SLC19A3: variants seen among roughly 807,000 people sequenced by gnomAD.
The protein encoded by SLC19A3 is thiamine transporter 2.
A neutral mutation model predicts 40.2 loss-of-function variants in SLC19A3; 31 were observed. That is an observed-to-expected ratio of 0.77 (90% CI 0.58 to 1.04). The LOEUF (loss-of-function observed/expected upper bound fraction) is 1.04, where lower values mean the gene tolerates loss of function less well. Ranked by LOEUF, SLC19A3 falls within the 50% of genes least tolerant of loss-of-function variation. The pLI is 0.00. For synonymous variants in SLC19A3, 212 were observed against 227.5 expected (o/e 0.93, Z 0.61); for missense variants, 592 against 596.7 (o/e 0.99, Z 0.08).
intron 1 of SLC19A3, among the ~76,000 whole-genome samples, chr2:227,713,643 AGAAAGAAGTGCCCCCTAAACCTTG>A (rs1696224576): frequency 6.6e-6 from 1 of 152,144 alleles, no homozygotes; most frequent in Non-Finnish European, 1.5e-5. Context: ...AGTCCATATT[AGAAAGAAGTGCCCCCTAAACCTTG>A]GACTTCCCAG....
rs112334929 is a variant in SLC19A3, at chr2:227,684,757, C to T, written c.*2640G>A. The T allele has an allele frequency of 0.074, 11,233 of 151,786 alleles. 1,176 individuals are homozygous for T. The highest frequency in any genetic ancestry group is 0.24 in the African/African-American group (9,827 of 41,334). 9.4% of individuals were successfully genotyped at this position (151,786 alleles called of 1,614,324 possible). ...CAACACTTTGGGAGACCGAGACGGG[C>T]GGATCACCTGAGACCAGGAGTTTGA... On this transcript the variant is annotated 3_prime_UTR_variant, in exon 6 of 6. Coordinates refer to ENST00000644224, the MANE Select transcript of SLC19A3 (RefSeq NM_025243.4).
chr2:227,701,194 C>A (rs1018279537), intron 2 of SLC19A3: 5 of 893,700 alleles, frequency 5.6e-6, no homozygotes, highest in Non-Finnish European at 7.6e-6. Context: ...CCTCACCACC[C>A]GAGGCACCCA....
intron 1 of SLC19A3, 137 bp downstream of exon 1, chr2:227,717,806 G>T (rs1481437589): frequency 7.8e-6 from 5 of 644,020 alleles, no homozygotes; most frequent in East Asian, 1.4e-4. Flanking sequence ...TCCTCACGCG[G>T]CTCAGAGTGT....
intron 4 of SLC19A3, among the ~76,000 whole-genome samples, chr2:227,693,050 C>T (rs1036063962): frequency 1.3e-5 from 2 of 152,086 alleles, no homozygotes; most frequent in African/African-American, 4.8e-5. Context: ...AGAGGACACA[C>T]ACACACAAAA....
At chr2:227,696,337 T>C (rs929902809) in intron 3 of SLC19A3, among the ~76,000 whole-genome samples, 1 of 152,198 alleles carries the variant, frequency 6.6e-6, no homozygotes, top group African/African-American at 2.4e-5. Context: ...CGCCAGACAC[T>C]GTATTCTGCA....
chr2:227,712,184 A>G (rs753213957), intron 1 of SLC19A3, among the ~76,000 whole-genome samples: 2 of 151,852 alleles, frequency 1.3e-5, no homozygotes, highest in African/African-American at 4.8e-5. Flanking sequence ...CAGGAGGGTC[A>G]CTTGAGCCTG....
chr2:227,692,688 G>A (rs1271177168), intron 4 of SLC19A3, among the ~76,000 whole-genome samples: 1 of 152,126 alleles, frequency 6.6e-6, no homozygotes, highest in Non-Finnish European at 1.5e-5. Flanking sequence ...ACATAGCACT[G>A]GAAGTCTTCT....
At position 227,699,148 on chromosome 2, in the gene SLC19A3, G is replaced by A. The variant is rs373262430; in HGVS notation, c.567C>T (p.Phe189=). 1.2e-6 allele frequency: 2 copies of A among 1,614,190 alleles called. No individual in the cohort carries two copies. The highest frequency in any genetic ancestry group is 1.7e-6 in the Non-Finnish European group (2 of 1,180,044). ...ACATGCTTTTCTTGGGCATTGGTAG[G>A]AAAAGTGAGAAAAGGAAAGCCACGG... is the stretch of plus-strand genomic sequence containing the variant. ...SVSVAFLFSL[F]LPMPKKSMFF... The change falls in exon 3 of 6, where the codon TTC becomes TTT. Residue 189 remains phenylalanine (F), a synonymous_variant. Transcript: ENST00000644224.
At chr2:227,699,670 G>T (rs191011556) in intron 2 of SLC19A3, 106 bp from the exon 3 acceptor site, 1 of 945,334 alleles carries the variant, frequency 1.1e-6, no homozygotes, top group Non-Finnish European at 1.7e-6. Context: ...TTCGCATTAC[G>T]GAGAAACATA....
intron 1 of SLC19A3, 43 bp from the exon 2 acceptor site, chr2:227,702,363 C>T (rs751144695): frequency 6.3e-7 from 1 of 1,585,134 alleles, no homozygotes; most frequent in East Asian, 2.2e-5. Flanking sequence ...GATGCTTATT[C>T]TTTTTAGCAT....
In SLC19A3 at chr2:227,703,735, CA is replaced by C. The variant is rs1695807440; in HGVS notation, c.-2-1416del. On this transcript the variant is annotated intron_variant, in intron 1 of 5. Coordinates refer to ENST00000644224, the MANE Select transcript of SLC19A3 (RefSeq NM_025243.4). The surrounding 1 kb of genome is among the most constrained non-coding windows in gnomAD (Gnocchi z 4.7). Reference sequence around the variant, plus strand: ...GGACAGGTGATCACTGAGGCTTGGTCATCTTCTGAAGAGTGGTCTTGCTGGG... The same window carrying C: ...GGACAGGTGATCACTGAGGCTTGGTCTCTTCTGAAGAGTGGTCTTGCTGGG... Among the ~76,000 whole-genome samples the C allele has an allele frequency of 6.6e-6, 1 of 152,110 alleles. No homozygotes were observed. The highest frequency in any genetic ancestry group is 1.5e-5 in the Non-Finnish European group (1 of 68,022).
chr2:227,693,390 A>G (rs1695306953), intron 4 of SLC19A3, among the ~76,000 whole-genome samples: 1 of 152,194 alleles, frequency 6.6e-6, no homozygotes, highest in Admixed American at 6.6e-5. Context: ...CATGTAGACC[A>G]ATGGAACAGA....
chr2:227,702,468 A>G, intron 1 of SLC19A3, 148 bp from the exon 2 acceptor site: 1 of 751,104 alleles, frequency 1.3e-6, no homozygotes. Context: ...ATCTCAGCCC[A>G]TTGCAACCTG....
chr2:227,711,381 C>G (rs1696128989), intron 1 of SLC19A3, among the ~76,000 whole-genome samples: 1 of 150,812 alleles, frequency 6.6e-6, no homozygotes, highest in Admixed American at 6.6e-5. Context: ...GATAGTGCCA[C>G]TGCATTGTGG....
chr2:227,710,461 C>T (rs904419297), intron 1 of SLC19A3, among the ~76,000 whole-genome samples: 3 of 152,106 alleles, frequency 2.0e-5, no homozygotes, highest in East Asian at 1.9e-4. Context: ...TTTGGGAGGC[C>T]GAGACGGGTG....
chr2:227,701,925 A>T, intron 2 of SLC19A3: 1 of 450,730 alleles, frequency 2.2e-6, no homozygotes, highest in Non-Finnish European at 4.0e-6. Flanking sequence ...TCATTAACAC[A>T]AATGTTAGGA....
rs1174353570 is a variant in SLC19A3, at chr2:227,706,461, T to A, written c.-2-4141A>T. 7 of 1,224,736 alleles carry A rather than the reference T, an allele frequency of 5.7e-6. No homozygotes were observed. The African/African-American group carries it at 9.7e-5, about 17-fold the overall frequency. 75.9% of individuals were successfully genotyped at this position (1,224,736 alleles called of 1,614,324 possible). The stretch of plus-strand genomic sequence containing the variant: ...TTTTTAAAAAGGTACAAGAACACTG[T>A]GTAAACGGTAGATTAAAAATTTTAA... On this transcript the variant is annotated intron_variant, in intron 1 of 5. Coordinates refer to ENST00000644224, the MANE Select transcript of SLC19A3 (RefSeq NM_025243.4).
Position 227,687,656 on chromosome 2 carries a change from T to C in SLC19A3, c.1315-83A>G. On this transcript the variant is annotated intron_variant, in intron 5 of 5. Transcript: ENST00000644224. ...ATACATCCTAATACTGTTGGTTTGC[T>C]TGGATTATGGGGTAACTGAGACCCA... The C allele has an allele frequency of 2.7e-6, 4 of 1,475,756 alleles. No individual in the cohort carries two copies. The South Asian group carries it at 3.5e-5, about 13-fold the overall frequency. The allele number at this position is 1,475,756 out of a possible 1,614,324, so 91.4% of individuals were successfully genotyped here. A position where few individuals can be genotyped will look rare whatever the true frequency, so the allele number is the denominator to read the frequency against.
Position 227,683,806 on chromosome 2 carries a change from T to C in SLC19A3, c.*3591A>G, listed in dbSNP as rs1191318223. On this transcript the variant is annotated 3_prime_UTR_variant, in exon 6 of 6. Transcript: ENST00000644224. Reference sequence around the variant, plus strand: ...GTTTATTTATTTGTTTGATTGTTGGTTTGTTTGTTCAAGACAGGGTCTCAC... The same window carrying C: ...GTTTATTTATTTGTTTGATTGTTGGCTTGTTTGTTCAAGACAGGGTCTCAC... 6.6e-6 allele frequency: 1 copy of C among 152,102 alleles called. No homozygotes were observed. Among genetic ancestry groups the C allele is most frequent in the African/African-American group, 2.4e-5 (1 of 41,406 alleles). 9.4% of individuals were successfully genotyped at this position (152,102 alleles called of 1,614,324 possible).
Sources: allele counts gnomAD v4.1 joint callset (sites outside exome capture counted in the v4.1 genomes callset), GRCh38; gene constraint gnomAD v4.1.1; non-coding constraint Gnocchi (gnomAD v3.1); transcripts MANE v1.5; gene names NCBI Gene and HGNC (gene_info 2026-07-23, HGNC 2026-07-21).